Variants in SLC2A13 observed in about 807,000 individuals in gnomAD.
SLC2A13 encodes solute carrier family 2 member 13.
Under a neutral mutation model 64.4 loss-of-function variants are expected in SLC2A13, and 32 were observed. The observed-to-expected ratio is 0.50, with a 90% CI of 0.37 to 0.67. The LOEUF is 0.67. Among genes scored for constraint, SLC2A13 ranks in the 30% least tolerant of loss-of-function variants. The pLI, the probability that SLC2A13 is intolerant of heterozygous loss-of-function variation, is 0.00. For missense variants in SLC2A13, 743 were observed against 829.2 expected, an observed-to-expected ratio of 0.90 and a Z score of 1.28; for synonymous variants, 338 against 327.1, an observed-to-expected ratio of 1.03 and a Z score of -0.36.
intron 7 of SLC2A13, among the ~76,000 whole-genome samples, chr12:39,827,353 T>A (rs555483495): frequency 2.6e-5 from 4 of 152,306 alleles, no homozygotes; most frequent in Admixed American, 2.0e-4. Flanking sequence ...AGTAGGTAGC[T>A]TTCCAAGCCC....
chr12:39,998,237 G>A (rs1947265447), intron 3 of SLC2A13, among the ~76,000 whole-genome samples: 1 of 152,208 alleles, frequency 6.6e-6, no homozygotes, highest in African/African-American at 2.4e-5. Flanking sequence ...ACAGCAACCT[G>A]CAGGAGACTG....
At chr12:39,789,722 T>C (rs1941312347) in intron 7 of SLC2A13, among the ~76,000 whole-genome samples, 1 of 152,182 alleles carries the variant, frequency 6.6e-6, no homozygotes, top group Non-Finnish European at 1.5e-5. Flanking sequence ...CTTTTTTAAG[T>C]ATCCATTAAC....
chr12:39,934,043 A>G (rs1351185946), intron 4 of SLC2A13, among the ~76,000 whole-genome samples: 1 of 152,222 alleles, frequency 6.6e-6, no homozygotes, highest in Non-Finnish European at 1.5e-5. Context: ...AATTCTAGCA[A>G]TATTGTTAGA....
intron 7 of SLC2A13, among the ~76,000 whole-genome samples, chr12:39,818,588 T>C (rs1469853496): frequency 4.6e-5 from 7 of 152,180 alleles, no homozygotes; most frequent in South Asian, 2.1e-4. Flanking sequence ...AAGGTCAGCA[T>C]GTATCTCTGC....
At chr12:39,768,679 C>T (rs544990811) in intron 7 of SLC2A13, among the ~76,000 whole-genome samples, 9 of 152,010 alleles carry the variant, frequency 5.9e-5, no homozygotes, top group African/African-American at 1.9e-4. Context: ...ACGTCTTATA[C>T]GGGTGCAGTT....
chr12:39,786,269 G>A (rs951223036), intron 7 of SLC2A13, among the ~76,000 whole-genome samples: 2 of 152,024 alleles, frequency 1.3e-5, no homozygotes, highest in South Asian at 2.1e-4. Flanking sequence ...TCGTGATAGC[G>A]AATAAGTCTC....
At chr12:40,078,919 T>G (rs983197271) in intron 1 of SLC2A13, among the ~76,000 whole-genome samples, 1 of 152,194 alleles carries the variant, frequency 6.6e-6, no homozygotes, top group Admixed American at 6.5e-5. Flanking sequence ...TTGGTGTGCA[T>G]AGAGGTATTC....
chr12:39,896,229 CATATGTGTATATATGT>C (rs1944842652), intron 4 of SLC2A13, among the ~76,000 whole-genome samples: 4 of 126,432 alleles, frequency 3.2e-5, no homozygotes, highest in Non-Finnish European at 5.0e-5. Context: ...TACATATATG[CATATGTGTATATATGT>C]ATACATGTAT....
chr12:39,768,419 G>T (rs1475368541), intron 7 of SLC2A13, among the ~76,000 whole-genome samples: 1 of 152,086 alleles, frequency 6.6e-6, no homozygotes, highest in East Asian at 1.9e-4. Flanking sequence ...GCTATTTGGT[G>T]CAAGAGGCCT....
Position 39,848,852 on chromosome 12 carries a change from C to T in SLC2A13, c.1319+15910G>A, listed in dbSNP as rs556100075. On this transcript the variant is annotated intron_variant, in intron 6 of 9. Transcript: ENST00000280871. ...AATATTATGCATCCATAAAAAAGGA[C>T]GAGATCACATCTTTTGCAGGAACAT... is the stretch of plus-strand genomic sequence containing the variant. Among the ~76,000 whole-genome samples the T allele has an allele frequency of 1.7e-3, 265 of 152,132 alleles. 3 individuals are homozygous for T. Among genetic ancestry groups the T allele is most frequent in the African/African-American group, 6.0e-3 (251 of 41,510 alleles).
At chr12:39,871,064 A>G (rs576337096) in intron 5 of SLC2A13, among the ~76,000 whole-genome samples, 5 of 152,292 alleles carry the variant, frequency 3.3e-5, no homozygotes, top group African/African-American at 1.2e-4. Context: ...ATACATAGGA[A>G]TGTACTTGCA....
intron 1 of SLC2A13, among the ~76,000 whole-genome samples, chr12:40,072,487 T>G (rs17518294): frequency 6.6e-6 from 1 of 152,130 alleles, no homozygotes; most frequent in Non-Finnish European, 1.5e-5. Flanking sequence ...AGAAGGGTAA[T>G]GAAGTCTCCA....
chr12:40,078,745 G>A (rs1938277845), intron 1 of SLC2A13, among the ~76,000 whole-genome samples: 2 of 152,174 alleles, frequency 1.3e-5, no homozygotes, highest in Admixed American at 1.3e-4. Flanking sequence ...AAATTCAGCT[G>A]TAAATCCCTC....
intron 3 of SLC2A13, among the ~76,000 whole-genome samples, chr12:39,959,589 C>T (rs745786529): frequency 2.4e-4 from 37 of 152,162 alleles, no homozygotes; most frequent in Non-Finnish European, 5.0e-4. Context: ...ATCAAGAATT[C>T]TTTCTAAATT....
At chr12:40,097,502 G>T (rs1938990537) in intron 1 of SLC2A13, among the ~76,000 whole-genome samples, 1 of 152,102 alleles carries the variant, frequency 6.6e-6, no homozygotes, top group Non-Finnish European at 1.5e-5. Context: ...GAATACATAA[G>T]GAACTTCTAC....
intron 3 of SLC2A13, among the ~76,000 whole-genome samples, chr12:39,967,003 T>G (rs1418150248): frequency 6.6e-6 from 1 of 152,176 alleles, no homozygotes; most frequent in Non-Finnish European, 1.5e-5. Context: ...CTGTTTTATT[T>G]TGAGGCATGT....
chr12:39,978,802 G>A (rs755618754), intron 3 of SLC2A13, among the ~76,000 whole-genome samples: 4 of 152,048 alleles, frequency 2.6e-5, no homozygotes, highest in South Asian at 2.1e-4. Flanking sequence ...CTGGAAGCTC[G>A]AACTGGGTGG....
At chr12:39,771,317 T>TTAAG (rs1454523763) in intron 7 of SLC2A13, among the ~76,000 whole-genome samples, 1 of 152,122 alleles carries the variant, frequency 6.6e-6, no homozygotes, top group African/African-American at 2.4e-5. Flanking sequence ...ACATATGTGA[T>TTAAG]TAAGTAAGTA....
chr12:39,981,405 T>C (rs1421502740), intron 3 of SLC2A13, among the ~76,000 whole-genome samples: 2 of 151,178 alleles, frequency 1.3e-5, no homozygotes, highest in Non-Finnish European at 2.9e-5. Flanking sequence ...TTTGAAAGGA[T>C]CAACAAAATT....
Sources: gnomAD v4.1 joint callset for allele counts (sites outside exome capture counted in the v4.1 genomes callset) on GRCh38, gnomAD v4.1.1 for gene constraint, MANE v1.5 for transcripts, NCBI Gene and HGNC (gene_info 2026-07-23, HGNC 2026-07-21) for gene names.